ACVR1C: variants seen among roughly 807,000 people sequenced by gnomAD.
ACVR1C encodes activin receptor type-1C.
A neutral mutation model predicts 57.9 loss-of-function variants in ACVR1C; 23 were observed. The ratio of observed to expected loss-of-function variants is 0.40; its 90% CI spans 0.29 to 0.56. The LOEUF (loss-of-function observed/expected upper bound fraction) is 0.56. Ranked by LOEUF, ACVR1C falls within the 20% of genes least tolerant of loss-of-function variation. The pLI, the probability that ACVR1C is intolerant of heterozygous loss-of-function variation, is 0.50. For missense variants in ACVR1C, 480 were observed against 607.9 expected (o/e 0.79, Z 2.21); for synonymous variants, 214 against 215.3 (o/e 0.99, Z 0.05).
At chr2:157,534,085 A>G (rs1411176930) in intron 8 of ACVR1C, 42 bp from the exon 9 acceptor site, 12 of 1,446,504 alleles carry the variant, frequency 8.3e-6, no homozygotes, top group East Asian at 2.5e-5. Flanking sequence ...TAGCTACTCT[A>G]CATAAAACAG....
At chr2:157,588,910 C>T (rs577906109) in intron 1 of ACVR1C, among the ~76,000 whole-genome samples, 2 of 125,370 alleles carry the variant, frequency 1.6e-5, no homozygotes, top group Non-Finnish European at 1.8e-5. Context: ...TATGTACATG[C>T]TCATACACAC....
chr2:157,616,446 G>T (rs1284503211), intron 1 of ACVR1C, among the ~76,000 whole-genome samples: 1 of 152,034 alleles, frequency 6.6e-6, no homozygotes, highest in African/African-American at 2.4e-5. Context: ...TGCTACAACT[G>T]TTCATGCATA....
chr2:157,551,759 TAGGGAACCCTCATAGCA>T (rs1042945796), intron 3 of ACVR1C, among the ~76,000 whole-genome samples: 1 of 152,206 alleles, frequency 6.6e-6, no homozygotes, highest in African/African-American at 2.4e-5. Flanking sequence ...CTCAGACAGC[TAGGGAACCCTCATAGCA>T]ATGACCCTGT....
chr2:157,588,236 T>TACAC (rs10572950), intron 1 of ACVR1C, among the ~76,000 whole-genome samples: 232 of 147,882 alleles, frequency 1.6e-3, no homozygotes, highest in South Asian at 2.6e-3. Context: ...CTCCACTTAC[T>TACAC]ACACACACAC....
chr2:157,617,453 G>T (rs1303691104), intron 1 of ACVR1C, among the ~76,000 whole-genome samples: 1 of 151,988 alleles, frequency 6.6e-6, no homozygotes, highest in African/African-American at 2.4e-5. Context: ...CTAATCTATG[G>T]TGGAATAAAG....
At chr2:157,615,318 C>CA (rs1245866633) in intron 1 of ACVR1C, among the ~76,000 whole-genome samples, 18,772 of 99,402 alleles carry the variant, frequency 0.19, 1,315 homozygotes, top group Non-Finnish European at 0.24. Flanking sequence ...AACAATAATA[C>CA]AAAAAAAAAA....
At chr2:157,561,440 A>G (rs185950864) in intron 2 of ACVR1C, among the ~76,000 whole-genome samples, 259 of 152,334 alleles carry the variant, frequency 1.7e-3, no homozygotes, top group Middle Eastern at 3.4e-3. Context: ...AAATTCCACC[A>G]CTGTCAACTG....
At chr2:157,617,407 T>C (rs1004223044) in intron 1 of ACVR1C, among the ~76,000 whole-genome samples, 4 of 152,024 alleles carry the variant, frequency 2.6e-5, no homozygotes, top group African/African-American at 4.8e-5. Context: ...CCTCACCTAA[T>C]TGGCATTTAC....
At chr2:157,587,856 GCC>G (rs1287138303) in intron 1 of ACVR1C, among the ~76,000 whole-genome samples, 1 of 152,030 alleles carries the variant, frequency 6.6e-6, no homozygotes, top group Non-Finnish European at 1.5e-5. Context: ...CTGTTCATTT[GCC>G]CTCCTTCCTT....
At position 157,628,746 on chromosome 2, in the gene ACVR1C, C is replaced by T; in HGVS notation, c.-102G>A. 2 of 1,070,946 alleles carry T rather than the reference C, an allele frequency of 1.9e-6. No homozygotes were observed. Among genetic ancestry groups the T allele is most frequent in the Non-Finnish European group, 2.6e-6 (2 of 783,230 alleles). The allele number at this position is 1,070,946 out of a possible 1,614,324, so 66.3% of individuals were successfully genotyped here. ...AAGTTCCCGGGCCGCGGGAGGGGAGCGCGGCACCGACACCCTTTTGAAGTG... is the reference window on the plus strand; with the variant it reads ...AAGTTCCCGGGCCGCGGGAGGGGAGTGCGGCACCGACACCCTTTTGAAGTG... On this transcript the variant is annotated 5_prime_UTR_variant, in exon 1 of 9. Coordinates refer to ENST00000243349, the MANE Select transcript of ACVR1C (RefSeq NM_145259.3).
intron 1 of ACVR1C, among the ~76,000 whole-genome samples, chr2:157,591,630 T>C (rs923333088): frequency 3.3e-5 from 5 of 152,018 alleles, no homozygotes; most frequent in Admixed American, 1.3e-4. Flanking sequence ...TCTCAAACCA[T>C]TTGTCACTAG....
At chr2:157,581,772 G>A (rs1688797378) in intron 2 of ACVR1C, among the ~76,000 whole-genome samples, 1 of 152,154 alleles carries the variant, frequency 6.6e-6, no homozygotes, top group Non-Finnish European at 1.5e-5. Context: ...GTCACCTCCC[G>A]ACCTTTCTTC....
intron 7 of ACVR1C, among the ~76,000 whole-genome samples, chr2:157,539,117 G>T (rs758047570): frequency 6.6e-6 from 1 of 151,832 alleles, no homozygotes; most frequent in Non-Finnish European, 1.5e-5. Flanking sequence ...TTCTGATTAT[G>T]AAATTTGTAG....
At chr2:157,592,601 T>C (rs1689072675) in intron 1 of ACVR1C, among the ~76,000 whole-genome samples, 1 of 152,048 alleles carries the variant, frequency 6.6e-6, no homozygotes, top group African/African-American at 2.4e-5. Context: ...GGACCTAAGA[T>C]GAATAAGTAA....
At position 157,542,876 on chromosome 2, in the gene ACVR1C, A is replaced by T. The variant is rs766253889; in HGVS notation, c.944-14T>A. On this transcript the variant is annotated splice_polypyrimidine_tract_variant and intron_variant, in intron 5 of 8. Coordinates refer to ENST00000243349, the MANE Select transcript of ACVR1C (RefSeq NM_145259.3). ...TAGCAGGTTTACCTATGAAGCAAAGAAGAACATATTCATTTTTTTCTTTAC... is the reference window on the plus strand; with the variant it reads ...TAGCAGGTTTACCTATGAAGCAAAGTAGAACATATTCATTTTTTTCTTTAC... The T allele has an allele frequency of 6.2e-7, 1 of 1,612,402 alleles. No individual in the cohort carries two copies. The highest frequency in any genetic ancestry group is 2.2e-5 in the East Asian group (1 of 44,846).
At position 157,587,383 on chromosome 2, in the gene ACVR1C, T is replaced by G. The variant is rs767177640; in HGVS notation, c.108A>C (p.Ser36=). 6.2e-7 allele frequency: 1 copy of G among 1,613,376 alleles called. No individual in the cohort carries two copies. Among genetic ancestry groups the G allele is most frequent in the Admixed American group, 1.7e-5 (1 of 59,974 alleles). ...LKCVCLLCDS[S]NFTCQTEGAC... Reference sequence around the variant, plus strand: ...CTCCTTCTGTTTGGCAGGTGAAGTTTGAAGAATCACACAAAAGACATACAC... The same window carrying G: ...CTCCTTCTGTTTGGCAGGTGAAGTTGGAAGAATCACACAAAAGACATACAC... Residue 36 remains serine (S), a synonymous_variant, in exon 2 of 9, where the codon TCA becomes TCC. Coordinates refer to ENST00000243349, the MANE Select transcript of ACVR1C (RefSeq NM_145259.3).
intron 1 of ACVR1C, among the ~76,000 whole-genome samples, chr2:157,610,034 C>T (rs72927451): frequency 0.039 from 5,925 of 151,952 alleles, 155 homozygotes; most frequent in Middle Eastern, 0.062. Context: ...ATTCTTTGTT[C>T]CTTTCTTTTT....
rs937119257 is a variant in ACVR1C at position 157,550,058 on chromosome 2, A to G, written c.775+104T>C. On this transcript the variant is annotated intron_variant, in intron 4 of 8. Coordinates refer to ENST00000243349, the MANE Select transcript of ACVR1C (RefSeq NM_145259.3). ...GGAAAAAAAAAAAAAGAAGAGGTGA[A>G]TTTATTTTTTCTTATCTGATACTAG... 3 of 933,002 alleles carry G rather than the reference A, an allele frequency of 3.2e-6. No individual in the cohort carries two copies. The African/African-American group carries it at 5.1e-5, about 16-fold the overall frequency. 57.8% of individuals were successfully genotyped at this position (933,002 alleles called of 1,614,324 possible). A position where few individuals can be genotyped will look rare whatever the true frequency, so the allele number is the denominator to read the frequency against.
chr2:157,621,574 C>T (rs562637672), intron 1 of ACVR1C, among the ~76,000 whole-genome samples: 2 of 152,312 alleles, frequency 1.3e-5, no homozygotes, highest in South Asian at 4.1e-4. Context: ...ATGGCTATGT[C>T]TTCCTTCTTT....
Sources: gnomAD v4.1 joint callset for allele counts (sites outside exome capture counted in the v4.1 genomes callset) on GRCh38, gnomAD v4.1.1 for gene constraint, MANE v1.5 for transcripts, NCBI Gene and HGNC (gene_info 2026-07-23, HGNC 2026-07-21) for gene names.